Variants in DNAJC18 observed in about 807,000 individuals in gnomAD.
The protein encoded by DNAJC18 is dnaJ homolog subfamily C member 18.
DNAJC18 carries 40 observed loss-of-function variants against 48.6 expected under a neutral mutation model. The ratio of observed to expected loss-of-function variants is 0.82; its 90% confidence interval spans 0.64 to 1.07. DNAJC18 has a LOEUF of 1.07. Ranked by LOEUF, DNAJC18 falls within the 50% of genes least tolerant of loss-of-function variation. The probability of loss-of-function intolerance (pLI) is 0.00; values close to 1 mark genes in which losing one functional copy is unlikely to be tolerated. For synonymous variants in DNAJC18, 135 were observed against 152.2 expected (o/e 0.89, Z 0.83); for missense variants, 340 against 427.7 (o/e 0.79, Z 1.81).
chr5:139,435,601 G>A (rs1442214497), intron 2 of DNAJC18, among the ~76,000 whole-genome samples: 1 of 149,142 alleles, frequency 6.7e-6, no homozygotes, highest in African/African-American at 2.5e-5. Flanking sequence ...GATATTGGTT[G>A]ATAATTTAGA....
intron 3 of DNAJC18, among the ~76,000 whole-genome samples, chr5:139,426,804 G>A (rs764243757): frequency 2.6e-5 from 4 of 152,266 alleles, no homozygotes; most frequent in South Asian, 4.1e-4. Flanking sequence ...GCAGTGAGCC[G>A]AGATCATGCC....
At chr5:139,437,593 T>C in intron 1 of DNAJC18, 35 bp from the exon 2 acceptor site, 2 of 1,572,334 alleles carry the variant, frequency 1.3e-6, no homozygotes, top group Non-Finnish European at 8.6e-7. Flanking sequence ...GGTCTCCATC[T>C]GACCCTGAAA....
chr5:139,439,423 C>T lies in DNAJC18; in HGVS notation c.23G>A (p.Gly8Glu). 1 of 1,613,968 alleles carries T rather than the reference C, an allele frequency of 6.2e-7. No individual in the cohort carries two copies. Among genetic ancestry groups the T allele is most frequent in the South Asian group, 1.1e-5 (1 of 91,086 alleles). MAATLGS[G>E]ERWTEAYIDA... ...CCTAGTACCTTCCGTCCAGCGCTCC[C>T]CGCTGCCCAGAGTCGCCGCCATATC... The change falls in exon 1 of 8, where the codon GGG (glycine) becomes GAG (glutamate). Residue 8 changes from glycine (G) to glutamate (E), a missense_variant. Transcript: ENST00000302060. This position sits in a 1 kb window ranked among gnomAD's most constrained non-coding sequence, Gnocchi z 4.1.
At chr5:139,417,568 ATTTTTTTTTT>A in intron 7 of DNAJC18, among the ~76,000 whole-genome samples, 1 of 114,484 alleles carries the variant, frequency 8.7e-6, no homozygotes, top group Non-Finnish European at 1.8e-5. Flanking sequence ...TACTCACTGG[ATTTTTTTTTT>A]TTTTTTTTTT....
In DNAJC18 at chr5:139,426,183, T is replaced by C. The variant is rs1216849922; in HGVS notation, c.548A>G (p.His183Arg). ...EELFNVFFGG[H>R]FPTGNIHMFS... Reference sequence around the variant, plus strand: ...TTGGGGAGACTAACCTGTAGGAAAATGTCCTCCAAAGAAGACGTTGAACAG... The same window carrying C: ...TTGGGGAGACTAACCTGTAGGAAAACGTCCTCCAAAGAAGACGTTGAACAG... The change falls in exon 4 of 8, where the codon CAT becomes CGT. Residue 183 changes from histidine to arginine, a missense_variant. Physicochemically the swap from His to Arg is conservative, Grantham distance 29. Coordinates refer to ENST00000302060, the MANE Select transcript of DNAJC18 (RefSeq NM_152686.4). 8 of 1,613,564 alleles carry C rather than the reference T, an allele frequency of 5.0e-6. No homozygotes were observed. The highest frequency in any genetic ancestry group is 6.8e-6 in the Non-Finnish European group (8 of 1,179,870).
intron 7 of DNAJC18, chr5:139,419,302 C>T (rs1328373369): frequency 2.7e-6 from 1 of 368,084 alleles, no homozygotes; most frequent in African/African-American, 2.1e-5. Context: ...GGGGCTACCC[C>T]TGCTGCAGAC....
intron 2 of DNAJC18, among the ~76,000 whole-genome samples, chr5:139,431,791 T>C (rs1240341315): frequency 6.6e-6 from 1 of 152,246 alleles, no homozygotes; most frequent in Non-Finnish European, 1.5e-5. Context: ...TTTTCCAAAC[T>C]GGCTGCATTC....
At position 139,439,071 on chromosome 5, in the gene DNAJC18, C is replaced by A. The variant is rs1405032999; in HGVS notation, c.40+335G>T. Among the ~76,000 whole-genome samples the A allele has an allele frequency of 6.6e-6, 1 of 152,208 alleles. No homozygotes were observed. The highest frequency in any genetic ancestry group is 1.5e-5 in the Non-Finnish European group (1 of 68,042). ...GGCCCAGTTAGGCGAAAGATAAGGGCCAGGTTAGCAAGCTGCGGAGAGACC... is the reference window on the plus strand; with the variant it reads ...GGCCCAGTTAGGCGAAAGATAAGGGACAGGTTAGCAAGCTGCGGAGAGACC... On this transcript the variant is annotated intron_variant, in intron 1 of 7. Coordinates refer to ENST00000302060, the MANE Select transcript of DNAJC18 (RefSeq NM_152686.4). This position sits in a 1 kb window ranked among gnomAD's most constrained non-coding sequence, Gnocchi z 4.1.
intron 4 of DNAJC18, 85 bp from the exon 5 acceptor site, chr5:139,425,199 T>A (rs1280889054): frequency 3.4e-6 from 4 of 1,187,322 alleles, no homozygotes; most frequent in Non-Finnish European, 4.8e-6. Context: ...AGTTTTGCTC[T>A]GTTACCCAGA....
chr5:139,423,502 G>T (rs941527038), intron 5 of DNAJC18, among the ~76,000 whole-genome samples: 1 of 150,780 alleles, frequency 6.6e-6, no homozygotes, highest in Non-Finnish European at 1.5e-5. Flanking sequence ...TGATTCTCTC[G>T]CCTCAGCCTC....
chr5:139,437,537 C>A lies in DNAJC18; in HGVS notation c.62G>T (p.Arg21Ile), dbSNP rs778487973. 18 of 1,612,670 alleles carry A rather than the reference C, an allele frequency of 1.1e-5. No homozygotes were observed. Among genetic ancestry groups the A allele is most frequent in the African/African-American group, 2.7e-5 (2 of 74,814 alleles). Residue 21 changes from arginine to isoleucine, a missense_variant, in exon 2 of 8, where the codon AGA becomes ATA. Physicochemically the swap from Arg to Ile is moderately conservative, Grantham distance 97 (BLOSUM62 -3). Transcript: ENST00000302060. ...AGGTGTGTCTTCTGGGTATTTGTTT[C>A]TTCTAACTGCGTCAATGTAAGCTGC... Reference protein sequence around the residue: ...WTEAYIDAVRRNKYPEDTPPE... With the variant: ...WTEAYIDAVRINKYPEDTPPE...
At chr5:139,429,801 T>A (rs1759301424) in intron 2 of DNAJC18, among the ~76,000 whole-genome samples, 1 of 152,010 alleles carries the variant, frequency 6.6e-6, no homozygotes, top group African/African-American at 2.4e-5. Context: ...GTGCCTTGCA[T>A]CTGGAATTCC....
intron 2 of DNAJC18, among the ~76,000 whole-genome samples, chr5:139,430,586 C>CTTTTTT (rs70982778): frequency 2.7e-5 from 4 of 145,878 alleles, no homozygotes; most frequent in Non-Finnish European, 4.5e-5. Flanking sequence ...ATATCTACCT[C>CTTTTTT]TTTTTTTTTT....
intron 3 of DNAJC18, among the ~76,000 whole-genome samples, chr5:139,427,444 GA>G (rs1272092863): frequency 6.6e-6 from 1 of 152,140 alleles, no homozygotes; most frequent in African/African-American, 2.4e-5. Flanking sequence ...CAGAAACACA[GA>G]AAGAGTATTT....
chr5:139,431,238 T>C (rs993305655), intron 2 of DNAJC18, among the ~76,000 whole-genome samples: 2 of 152,198 alleles, frequency 1.3e-5, no homozygotes, highest in African/African-American at 4.8e-5. Context: ...AAGTTCACCC[T>C]TTTAAAATGT....
chr5:139,414,523 T>C (rs1025755865), intron 7 of DNAJC18, among the ~76,000 whole-genome samples: 1 of 152,226 alleles, frequency 6.6e-6, no homozygotes, highest in Non-Finnish European at 1.5e-5. Flanking sequence ...ACTTAGTTCT[T>C]ACCAAGAAAA....
intron 2 of DNAJC18, among the ~76,000 whole-genome samples, chr5:139,434,821 T>C (rs914166353): frequency 3.3e-5 from 5 of 152,184 alleles, no homozygotes; most frequent in African/African-American, 1.2e-4. Flanking sequence ...GATGTAGTTT[T>C]ACTCTTCTTT....
At chr5:139,428,156 G>C (rs780829293) in intron 3 of DNAJC18, among the ~76,000 whole-genome samples, 1 of 152,188 alleles carries the variant, frequency 6.6e-6, no homozygotes, top group Non-Finnish European at 1.5e-5. Context: ...CAGCACTTTG[G>C]AAGGCCTAGG....
rs765744378 is a variant in DNAJC18, at chr5:139,425,065, A to G, written c.609T>C (p.Arg203=). 1.9e-6 allele frequency: 3 copies of G among 1,613,260 alleles called. No individual in the cohort carries two copies. In the East Asian group the frequency reaches 6.7e-5, roughly 36 times the overall value. Residue 203 remains arginine, a synonymous_variant, in exon 5 of 8, where the codon CGT becomes CGC. Transcript: ENST00000302060. ...GTGTCCTCTCATGTCGGTGCCGTCG[A>G]CGGTAATAGTAAGTGTCATCTGTCA... is the stretch of plus-strand genomic sequence containing the variant. ...SNVTDDTYYY[R]RRHRHERTQT...
Sources: allele counts gnomAD v4.1 joint callset (sites outside exome capture counted in the v4.1 genomes callset), GRCh38; gene constraint gnomAD v4.1.1; non-coding constraint Gnocchi (gnomAD v3.1); transcripts MANE v1.5; gene names NCBI Gene and HGNC (gene_info 2026-07-23, HGNC 2026-07-21).